EXOC3L4: variants seen among roughly 807,000 people sequenced by gnomAD.
EXOC3L4 encodes the protein exocyst complex component 3 like 4.
EXOC3L4 carries 62 observed loss-of-function variants against 69.7 expected under a neutral mutation model. The observed-to-expected ratio is 0.89, with a 90% CI of 0.72 to 1.10. The LOEUF is 1.10. EXOC3L4 is among the 50% of genes least tolerant of loss of function. The pLI is 0.00. For synonymous variants in EXOC3L4, 502 were observed against 464.2 expected, an observed-to-expected ratio of 1.08 and a Z score of -1.05; for missense variants, 1,087 against 1,034.8, an observed-to-expected ratio of 1.05 and a Z score of -0.69.
chr14:103,104,074 T>C (rs1018675656), intron 4 of EXOC3L4, 22 bp downstream of exon 4: 1 of 1,531,556 alleles, frequency 6.5e-7, no homozygotes, highest in Non-Finnish European at 8.8e-7. Context: ...CGGGTCAGGC[T>C]GGGCGGGCCA....
At chr14:103,105,226 GGTGT>G (rs1297615509) in intron 7 of EXOC3L4, among the ~76,000 whole-genome samples, 154 bp downstream of exon 7, 1 of 151,806 alleles carries the variant, frequency 6.6e-6, no homozygotes, top group Non-Finnish European at 1.5e-5. Flanking sequence ...GGATCTGAGG[GGTGT>G]GTGTGCGTGT....
At chr14:103,103,854 C>T in intron 3 of EXOC3L4, 87 bp from the exon 4 acceptor site, 3 of 775,840 alleles carry the variant, frequency 3.9e-6, no homozygotes, top group African/African-American at 3.5e-5. Context: ...TCGGGATTGG[C>T]GTTAGACTTT....
In EXOC3L4 at chr14:103,110,256, G is replaced by A; in HGVS notation, c.*33G>A. The A allele has an allele frequency of 2.1e-5, 31 of 1,496,376 alleles. No homozygotes were observed. Among genetic ancestry groups the A allele is most frequent in the Non-Finnish European group, 2.8e-5 (31 of 1,123,930 alleles). 92.7% of individuals were successfully genotyped at this position (1,496,376 alleles called of 1,614,324 possible). On this transcript the variant is annotated 3_prime_UTR_variant, in exon 12 of 12. Coordinates refer to ENST00000688303, the MANE Select transcript of EXOC3L4 (RefSeq NM_001077594.2). ...TGGCTCGAGGGGGGGCCGGCCGCTG[G>A]CAGGGAGCTGTGGTCAGTGGGGGTC...
At chr14:103,107,319 A>G in intron 8 of EXOC3L4, 105 bp from the exon 9 acceptor site, 13 of 1,515,126 alleles carry the variant, frequency 8.6e-6, no homozygotes, top group Non-Finnish European at 1.2e-5. Context: ...ATGGCACCCC[A>G]AACCCAGGAG....
rs544828209 is a variant in EXOC3L4, at chr14:103,110,248, G to A, written c.*25G>A. The A allele has an allele frequency of 2.0e-5, 30 of 1,493,858 alleles. No individual in the cohort carries two copies. In the East Asian group the frequency reaches 3.5e-4, roughly 17 times the overall value. 92.5% of individuals were successfully genotyped at this position (1,493,858 alleles called of 1,614,324 possible). A position where few individuals can be genotyped will look rare whatever the true frequency, so the allele number is the denominator to read the frequency against. ...GTTCTCTCTGGCTCGAGGGGGGGCC[G>A]GCCGCTGGCAGGGAGCTGTGGTCAG... On this transcript the variant is annotated 3_prime_UTR_variant, in exon 12 of 12. Coordinates refer to ENST00000688303, the MANE Select transcript of EXOC3L4 (RefSeq NM_001077594.2).
intron 5 of EXOC3L4, 94 bp from the exon 6 acceptor site, chr14:103,104,644 G>A (rs1890428785): frequency 1.3e-6 from 1 of 745,996 alleles, no homozygotes; most frequent in Non-Finnish European, 1.8e-6. Context: ...CAGGCACAGC[G>A]GGGCGGGCTG....
Position 103,104,358 on chromosome 14 carries a change from A to G in EXOC3L4, c.1253A>G (p.Tyr418Cys), listed in dbSNP as rs1393902187. Residue 418 changes from tyrosine to cysteine, a missense_variant, in exon 5 of 12, where the codon TAC becomes TGC. Physicochemically the swap from Tyr to Cys is radical, Grantham distance 194. Transcript: ENST00000688303. ...GTCCCCGAGGTGCTGCAGGGCCTCT[A>G]CCAGGCGCCGCTGTCCATGGACGTC... ...AEVPEVLQGL[Y>C]QAPLSMDVHM... 4.4e-6 allele frequency: 7 copies of G among 1,587,630 alleles called. No individual in the cohort carries two copies. Among genetic ancestry groups the G allele is most frequent in the Non-Finnish European group, 6.0e-6 (7 of 1,168,364 alleles).
Position 103,106,767 on chromosome 14 carries a change from GT to G in EXOC3L4, c.1467-17del. On this transcript the variant is annotated splice_polypyrimidine_tract_variant and intron_variant, in intron 7 of 11. Coordinates refer to ENST00000688303, the MANE Select transcript of EXOC3L4 (RefSeq NM_001077594.2). ...GTCTCCCTTGCCCACCTCATCGCTG[GT>G]CCTGGCCCCTCCCCAGGACCAGTCT... 1 of 1,529,574 alleles carries G rather than the reference GT, an allele frequency of 6.5e-7. No individual in the cohort carries two copies. The highest frequency in any genetic ancestry group is 8.9e-7 in the Non-Finnish European group (1 of 1,128,752). 94.8% of individuals were successfully genotyped at this position (1,529,574 alleles called of 1,614,324 possible). A position where few individuals can be genotyped will look rare whatever the true frequency, so the allele number is the denominator to read the frequency against.
At position 103,102,250 on chromosome 14, in the gene EXOC3L4, C is replaced by T. The variant is rs370099239; in HGVS notation, c.527C>T (p.Ala176Val). ...TTTGAGCAGGACCCTACGGCCTTCG[C>T]GCGGCGCGCTATGGACGTGTGCCTG... ...RTFEQDPTAFARRAMDVCLLY... is the reference protein window; with the variant it reads ...RTFEQDPTAFVRRAMDVCLLY... Residue 176 changes from alanine (A) to valine (V), a missense_variant, in exon 3 of 12, where the codon GCG becomes GTG. Ala to Val is a moderately conservative substitution (Grantham distance 64, BLOSUM62 0). Coordinates refer to ENST00000688303, the MANE Select transcript of EXOC3L4 (RefSeq NM_001077594.2). The T allele has an allele frequency of 1.5e-4, 244 of 1,587,606 alleles. 2 individuals carry two copies. The South Asian group carries it at 1.9e-3, about 12-fold the overall frequency.
rs1250174395 is a variant in EXOC3L4, at chr14:103,102,604, G to T, written c.881G>T (p.Arg294Leu). 3.3e-6 allele frequency: 5 copies of T among 1,494,260 alleles called. No individual in the cohort carries two copies. Among genetic ancestry groups the T allele is most frequent in the South Asian group, 2.5e-5 (2 of 78,592 alleles). 92.6% of individuals were successfully genotyped at this position (1,494,260 alleles called of 1,614,324 possible). A position where few individuals can be genotyped will look rare whatever the true frequency, so the allele number is the denominator to read the frequency against. ...GTTCGCCGCGACCTGCAGAAGGTGC[G>T]GCAGGAGGTGCAGCCCGCGTATGCG... ...GLVRRDLQKV[R>L]QEVQPAYAAA... The change falls in exon 3 of 12, where the codon CGG becomes CTG. Residue 294 changes from arginine (R) to leucine (L), a missense_variant. Physicochemically the swap from Arg to Leu is moderately radical, Grantham distance 102 (BLOSUM62 -2). Coordinates refer to ENST00000688303, the MANE Select transcript of EXOC3L4 (RefSeq NM_001077594.2).
Position 103,100,525 on chromosome 14 carries a change from C to A in EXOC3L4, c.306C>A (p.Ala102=). 1 of 1,612,946 alleles carries A rather than the reference C, an allele frequency of 6.2e-7. No individual in the cohort carries two copies. The highest frequency in any genetic ancestry group is 1.1e-5 in the South Asian group (1 of 90,908). Residue 102 remains alanine (A), a synonymous_variant, in exon 2 of 12, where the codon GCC becomes GCA. Coordinates refer to ENST00000688303, the MANE Select transcript of EXOC3L4 (RefSeq NM_001077594.2). ...NDGPATGHSQ[A]TPEVPSGVMN... is the part of the protein sequence containing the mutation. ...GCCCAGCTACCGGCCATTCCCAGGC[C>A]ACTCCTGAGGTGCCCTCGGGGGTCA... is the stretch of plus-strand genomic sequence containing the variant.
intron 11 of EXOC3L4, 44 bp downstream of exon 11, chr14:103,108,561 A>C: frequency 6.3e-7 from 1 of 1,598,394 alleles, no homozygotes; most frequent in Non-Finnish European, 8.5e-7. Context: ...CCAGAGCTTC[A>C]GGGCCAAGGG....
At position 103,099,383 on chromosome 14, in the gene EXOC3L4, T is replaced by A. The variant is rs1890048404; in HGVS notation, c.-16-821T>A. ...AGCAGCCGCAGCTCAGCCACCCCCA[T>A]GTCCCTGGGACACCCCCTCCATTCC... On this transcript the variant is annotated intron_variant, in intron 1 of 11. Transcript: ENST00000688303. 3.3e-5 allele frequency among the ~76,000 whole-genome samples: 5 copies of A among 152,292 alleles called. 1 individual carries two copies. In the South Asian group the frequency reaches 1.0e-3, roughly 32 times the overall value.
At chr14:103,098,892 T>C (rs1265936061) in intron 1 of EXOC3L4, 1 of 152,150 alleles carries the variant, frequency 6.6e-6, no homozygotes, top group African/African-American at 2.4e-5. Flanking sequence ...TCCAGCTGCT[T>C]AGCCGCCTCT....
chr14:103,105,385 G>A (rs1305976259), intron 7 of EXOC3L4, among the ~76,000 whole-genome samples: 1 of 145,482 alleles, frequency 6.9e-6, no homozygotes, highest in African/African-American at 2.6e-5. Flanking sequence ...TGTGTGTGTT[G>A]GAGCTAAGAG....
At position 103,107,461 on chromosome 14, in the gene EXOC3L4, C is replaced by T. The variant is rs1264357861; in HGVS notation, c.1619C>T (p.Thr540Met). 39 of 1,613,838 alleles carry T rather than the reference C, an allele frequency of 2.4e-5. No homozygotes were observed. The highest frequency in any genetic ancestry group is 3.3e-4 in the Middle Eastern group (2 of 6,084). The change falls in exon 9 of 12, where the codon ACG (threonine) becomes ATG (methionine). Residue 540 changes from threonine to methionine, a missense_variant. Physicochemically the swap from Thr to Met is moderately conservative, Grantham distance 81. Coordinates refer to ENST00000688303, the MANE Select transcript of EXOC3L4 (RefSeq NM_001077594.2). ...FRVVCTRDWLTQDWLHPLMDK... is the reference protein window; with the variant it reads ...FRVVCTRDWLMQDWLHPLMDK... ...GTTGTGTGCACCAGGGACTGGCTGA[C>T]GCAGGACTGGCTGCATCCCCTCATG...
intron 8 of EXOC3L4, 98 bp downstream of exon 8, chr14:103,106,997 C>T: frequency 9.7e-7 from 1 of 1,028,758 alleles, no homozygotes; most frequent in East Asian, 2.6e-5. Context: ...TCATTTATTC[C>T]AGGGTGAGCT....
rs572353267 is a variant in EXOC3L4 at position 103,102,288 on chromosome 14, C to T, written c.565C>T (p.Leu189=). Reference sequence around the variant, plus strand: ...GGACGTGTGCCTGCTTTACGACGGGCTGGCAGCCGAGATCGGCGCCATCGT... The same window carrying T: ...GGACGTGTGCCTGCTTTACGACGGGTTGGCAGCCGAGATCGGCGCCATCGT... The part of the protein sequence containing the change: ...AMDVCLLYDG[L]AAEIGAIVRE... The change falls in exon 3 of 12, where the codon CTG becomes TTG. Residue 189 remains leucine (L), a synonymous_variant. Coordinates refer to ENST00000688303, the MANE Select transcript of EXOC3L4 (RefSeq NM_001077594.2). 2 of 1,577,286 alleles carry T rather than the reference C, an allele frequency of 1.3e-6. No individual in the cohort carries two copies. Among genetic ancestry groups the T allele is most frequent in the East Asian group, 4.6e-5 (2 of 43,046 alleles).
At chr14:103,105,337 CGT>C (rs913790659) in intron 7 of EXOC3L4, among the ~76,000 whole-genome samples, 16 of 143,386 alleles carry the variant, frequency 1.1e-4, no homozygotes, top group African/African-American at 3.7e-4. Context: ...TGTGTGTGTG[CGT>C]GTTTGGCAGA....
Sources: allele counts gnomAD v4.1 joint callset (sites outside exome capture counted in the v4.1 genomes callset), GRCh38; gene constraint gnomAD v4.1.1; transcripts MANE v1.5; gene names NCBI Gene and HGNC (gene_info 2026-07-23, HGNC 2026-07-21).